The following FAM107B variants were observed in gnomAD, a reference collection of about 807,000 sequenced individuals.
FAM107B encodes the protein family with sequence similarity 107 member B.
In FAM107B, 21 loss-of-function variants were observed where a neutral mutation model predicts 31.5. That is an observed-to-expected ratio of 0.67 (90% confidence interval 0.47 to 0.96). The LOEUF is 0.96. Ranked by LOEUF, FAM107B falls within the 40% of genes least tolerant of loss-of-function variation. The pLI, the probability that FAM107B is intolerant of heterozygous loss-of-function variation, is 0.00. For missense variants in FAM107B, 452 were observed against 377.1 expected (o/e 1.20, Z -1.64); for synonymous variants, 157 against 141.5 (o/e 1.11, Z -0.78).
intron 1 of FAM107B, among the ~76,000 whole-genome samples, chr10:14,672,838 C>T (rs1854593037): frequency 6.6e-6 from 1 of 152,212 alleles, no homozygotes. Flanking sequence ...GAACCAAATA[C>T]ATTCACCAAT....
chr10:14,758,873 G>GA (rs57967855), intron 1 of FAM107B, among the ~76,000 whole-genome samples: 3,573 of 38,918 alleles, frequency 0.092, 302 homozygotes, highest in Non-Finnish European at 0.11. Flanking sequence ...GACCCTCTCA[G>GA]AAAAAAAAAA....
At chr10:14,627,522 C>T (rs1002084637) in intron 2 of FAM107B, among the ~76,000 whole-genome samples, 1 of 152,184 alleles carries the variant, frequency 6.6e-6, no homozygotes, top group African/African-American at 2.4e-5. Flanking sequence ...GCCTGTCATC[C>T]CAACACTTTG....
chr10:14,615,441 C>A (rs1282549764), intron 2 of FAM107B, among the ~76,000 whole-genome samples: 2 of 152,174 alleles, frequency 1.3e-5, no homozygotes, highest in African/African-American at 4.8e-5. Context: ...TAAGCCTAGG[C>A]CTTGCTGAAG....
intron 1 of FAM107B, among the ~76,000 whole-genome samples, chr10:14,728,927 G>A (rs746410969): frequency 1.3e-5 from 2 of 152,136 alleles, no homozygotes; most frequent in African/African-American, 4.8e-5. Flanking sequence ...TGAATAGCAA[G>A]TAAAATACAA....
chr10:14,764,495 A>G (rs2026620), intron 1 of FAM107B, among the ~76,000 whole-genome samples: 12,301 of 152,198 alleles, frequency 0.081, 1,337 homozygotes, highest in African/African-American at 0.24. Context: ...TTTGTGGAGG[A>G]TTCCCCTTCC....
At chr10:14,711,967 G>GCC (rs1855658184) in intron 1 of FAM107B, among the ~76,000 whole-genome samples, 1 of 152,200 alleles carries the variant, frequency 6.6e-6, no homozygotes, top group Non-Finnish European at 1.5e-5. Context: ...CTGTTGTTAA[G>GCC]TGACGCAAGA....
At position 14,686,036 on chromosome 10, in the gene FAM107B, CT is replaced by C. The variant is rs376422533; in HGVS notation, c.412-18346del. ...GAACCATCTAGGGGACCCCACCCCC[CT>C]GATTCAATTATCTCCACCTAGCTCT... On this transcript the variant is annotated intron_variant, in intron 1 of 4. Coordinates refer to ENST00000181796, the MANE Select transcript of FAM107B (RefSeq NM_031453.4). Among the ~76,000 whole-genome samples, 156 of 152,266 alleles carry C rather than the reference CT, an allele frequency of 1.0e-3. 1 individual carries two copies. The highest frequency in any genetic ancestry group is 3.5e-3 in the African/African-American group (144 of 41,558).
chr10:14,636,696 AG>A (rs1189156106), intron 2 of FAM107B, among the ~76,000 whole-genome samples: 2 of 142,462 alleles, frequency 1.4e-5, no homozygotes, highest in East Asian at 2.1e-4. Flanking sequence ...TATGAATTTT[AG>A]GGGGGGTGGG....
intron 1 of FAM107B, among the ~76,000 whole-genome samples, chr10:14,684,224 A>G (rs1588704003): frequency 6.6e-6 from 1 of 152,330 alleles, no homozygotes; most frequent in Non-Finnish European, 1.5e-5. Flanking sequence ...AGGCCGAGGC[A>G]GGTGGATCAC....
At chr10:14,663,463 T>C (rs1297139936) in intron 2 of FAM107B, 1 of 152,216 alleles carries the variant, frequency 6.6e-6, no homozygotes, top group Non-Finnish European at 1.5e-5. Context: ...TCTGATGAGA[T>C]TGGGTGCGTT....
chr10:14,708,024 T>C (rs923301433), intron 1 of FAM107B, among the ~76,000 whole-genome samples: 2 of 151,958 alleles, frequency 1.3e-5, no homozygotes, highest in Non-Finnish European at 2.9e-5. Context: ...CAGAGCTCTG[T>C]CTCCACCCTC....
At chr10:14,680,709 A>G (rs770125939) in intron 1 of FAM107B, among the ~76,000 whole-genome samples, 3 of 152,240 alleles carry the variant, frequency 2.0e-5, no homozygotes, top group Middle Eastern at 6.8e-3. Context: ...CCTCTGGCTC[A>G]AGGAATTAGA....
At chr10:14,579,606 T>C (rs1454518971) in intron 2 of FAM107B, among the ~76,000 whole-genome samples, 3 of 152,216 alleles carry the variant, frequency 2.0e-5, no homozygotes, top group African/African-American at 7.2e-5. Flanking sequence ...TTAGTTGCAT[T>C]ACCCAAGTAA....
At chr10:14,747,888 C>G (rs1044099578) in intron 1 of FAM107B, among the ~76,000 whole-genome samples, 3 of 152,220 alleles carry the variant, frequency 2.0e-5, no homozygotes, top group Non-Finnish European at 4.4e-5. Context: ...TCAAACTCCT[C>G]AGCAAGCCAT....
chr10:14,593,484 C>T (rs1039568962), intron 2 of FAM107B, among the ~76,000 whole-genome samples: 1 of 151,964 alleles, frequency 6.6e-6, no homozygotes, highest in East Asian at 1.9e-4. Context: ...TCGAGACCAG[C>T]CTGGCCAATA....
intron 2 of FAM107B, among the ~76,000 whole-genome samples, chr10:14,638,188 T>C (rs1853549033): frequency 6.6e-6 from 1 of 152,202 alleles, no homozygotes; most frequent in Admixed American, 6.5e-5. Context: ...GTTTTCAGTT[T>C]CTTCTTTGTT....
chr10:14,656,017 C>T (rs1771900386), intron 2 of FAM107B, among the ~76,000 whole-genome samples: 1 of 152,114 alleles, frequency 6.6e-6, no homozygotes, highest in Non-Finnish European at 1.5e-5. Flanking sequence ...TGAGTGTCGG[C>T]CATGCACTCC....
chr10:14,531,364 T>A (rs184457512), intron 2 of FAM107B, among the ~76,000 whole-genome samples: 1 of 150,146 alleles, frequency 6.7e-6, no homozygotes, highest in Non-Finnish European at 1.5e-5. Flanking sequence ...TTAAAAAACA[T>A]TGGAAATGCC....
chr10:14,732,427 C>T (rs1856195268), intron 1 of FAM107B, among the ~76,000 whole-genome samples: 1 of 152,186 alleles, frequency 6.6e-6, no homozygotes, highest in Non-Finnish European at 1.5e-5. Context: ...CGGCCATTTA[C>T]TAGAAGCCAT....
Sources: allele counts gnomAD v4.1 joint callset (sites outside exome capture counted in the v4.1 genomes callset), GRCh38; gene constraint gnomAD v4.1.1; transcripts MANE v1.5; gene names NCBI Gene and HGNC (gene_info 2026-07-23, HGNC 2026-07-21).